Variants in CELF2 observed in about 807,000 individuals in gnomAD.
CELF2 encodes the protein CUGBP Elav-like family member 2.
CELF2 carries 8 observed loss-of-function variants against 62.6 expected under a neutral mutation model. The ratio of observed to expected loss-of-function variants is 0.13; its 90% CI spans 0.07 to 0.23. CELF2 has a LOEUF of 0.23. Among genes scored for constraint, CELF2 ranks in the 10% least tolerant of loss-of-function variants. CELF2 has a pLI of 1.00. For synonymous variants in CELF2, 258 were observed against 250.0 expected (o/e 1.03, Z -0.30); for missense variants, 333 against 671.0 (o/e 0.50, Z 5.56).
At chr10:10,696,294 T>G in the CELF2 span, among the ~76,000 whole-genome samples, 5 of 151,658 alleles carry the variant, frequency 3.3e-5, no homozygotes, top group Admixed American at 2.6e-4. Flanking sequence ...TGCTGGGGGG[T>G]GCCTCCCAGT....
chr10:10,766,946 C>A, the CELF2 span, among the ~76,000 whole-genome samples: 1 of 152,206 alleles, frequency 6.6e-6, no homozygotes, highest in African/African-American at 2.4e-5. Context: ...TCATTTCTCA[C>A]TGCCAACGGT....
Position 11,330,652 on chromosome 10 carries a change from A to ATG in CELF2, c.*1602_*1603dup, listed in dbSNP as rs1479509547. The stretch of plus-strand genomic sequence containing the variant: ...TCTAGCTATGAATTCTGGGAAGTCA[A>ATG]TGTGAAAAACATTGCTGCATTCATG... On this transcript the variant is annotated 3_prime_UTR_variant, in exon 13 of 13. Coordinates refer to ENST00000633077, the MANE Select transcript of CELF2 (RefSeq NM_001326342.2). This position sits in a 1 kb window ranked among gnomAD's most constrained non-coding sequence, Gnocchi z 4.5. The ATG allele has an allele frequency of 1.3e-5, 2 of 152,652 alleles. No individual in the cohort carries two copies. The highest frequency in any genetic ancestry group is 2.9e-5 in the Non-Finnish European group (2 of 68,048). 9.5% of individuals were successfully genotyped at this position (152,652 alleles called of 1,614,324 possible).
At chr10:11,173,905 A>G (rs80024897) in intron 2 of CELF2, among the ~76,000 whole-genome samples, 3,986 of 152,290 alleles carry the variant, frequency 0.026, 175 homozygotes, top group African/African-American at 0.09. Context: ...CGACAGATTG[A>G]CATAGGTTTA....
chr10:10,566,595 A>C, the CELF2 span, among the ~76,000 whole-genome samples: 57 of 133,122 alleles, frequency 4.3e-4, no homozygotes, highest in Non-Finnish European at 8.0e-4. Flanking sequence ...CAGTCCCCAG[A>C]GTGTGATATT....
chr10:10,977,908 A>C lies in CELF2; in HGVS notation c.89+57909A>C, dbSNP rs1227131927. Among the ~76,000 whole-genome samples the C allele has an allele frequency of 5.3e-5, 8 of 152,332 alleles. No individual in the cohort carries two copies. In the South Asian group the frequency reaches 1.7e-3, roughly 32 times the overall value. On this transcript the variant is annotated intron_variant, in intron 2 of 13. Coordinates refer to the CELF2 transcript ENST00000636488. ...TGGGATTGTTTTGAGGAATAAACATAATATGCACAAGAAGTTAAAACCAGT... is the reference window on the plus strand; with the variant it reads ...TGGGATTGTTTTGAGGAATAAACATCATATGCACAAGAAGTTAAAACCAGT...
the CELF2 span, among the ~76,000 whole-genome samples, chr10:10,656,773 A>G: frequency 1.4e-5 from 2 of 140,072 alleles, no homozygotes; most frequent in Non-Finnish European, 3.1e-5. Flanking sequence ...CTAATGCTAG[A>G]TGACGAGTTA....
intron 2 of CELF2, among the ~76,000 whole-genome samples, chr10:10,986,237 T>A (rs760840502): frequency 3.9e-5 from 6 of 152,194 alleles, no homozygotes; most frequent in Non-Finnish European, 5.9e-5. Context: ...CAAAAAATTC[T>A]AAAGATTGAT....
Position 11,335,900 on chromosome 10 carries a change from T to C in CELF2, c.*6847T>C, listed in dbSNP as rs1038980709. The C allele has an allele frequency of 3.3e-5, 5 of 152,196 alleles. No individual in the cohort carries two copies. Among genetic ancestry groups the C allele is most frequent in the Admixed American group, 3.3e-4 (5 of 15,284 alleles). 9.4% of individuals were successfully genotyped at this position (152,196 alleles called of 1,614,324 possible). A position where few individuals can be genotyped will look rare whatever the true frequency, so the allele number is the denominator to read the frequency against. ...TTGCTTTTCTAAAGCAACAAATAAT[T>C]CTCCAAAGAAGGGGATGAAAATGCT... On this transcript the variant is annotated 3_prime_UTR_variant, in exon 13 of 13. Coordinates refer to ENST00000633077, the MANE Select transcript of CELF2 (RefSeq NM_001326342.2). This position sits in a 1 kb window ranked among gnomAD's most constrained non-coding sequence, Gnocchi z 5.0.
rs1039093791 is a variant in CELF2 at position 11,306,959 on chromosome 10, C to T, written c.977-7180C>T. ...TAGGCCGCCTCCACCTCTCCTATGGCCCCCTGAGCTAGGCTGCCCCATGCT... is the reference window on the plus strand; with the variant it reads ...TAGGCCGCCTCCACCTCTCCTATGGTCCCCTGAGCTAGGCTGCCCCATGCT... On this transcript the variant is annotated intron_variant, in intron 9 of 12. Coordinates refer to ENST00000633077, the MANE Select transcript of CELF2 (RefSeq NM_001326342.2). This position sits in a 1 kb window ranked among gnomAD's most constrained non-coding sequence, Gnocchi z 4.4. Among the ~76,000 whole-genome samples, 3 of 152,190 alleles carry T rather than the reference C, an allele frequency of 2.0e-5. No individual in the cohort carries two copies. The highest frequency in any genetic ancestry group is 4.8e-5 in the African/African-American group (2 of 41,436).
the CELF2 span, among the ~76,000 whole-genome samples, chr10:10,713,056 T>C: frequency 2.6e-5 from 4 of 152,332 alleles, no homozygotes; most frequent in East Asian, 7.7e-4. Context: ...CAATGGACCT[T>C]ATTTCTGTTC....
the CELF2 span, among the ~76,000 whole-genome samples, chr10:10,585,522 C>G: frequency 1.3e-5 from 2 of 152,130 alleles, no homozygotes; most frequent in African/African-American, 2.4e-5. Flanking sequence ...AATGAACACA[C>G]TAGGATTTGT....
intron 1 of CELF2, among the ~76,000 whole-genome samples, chr10:10,822,607 T>C (rs2057055367): frequency 1.3e-5 from 2 of 152,240 alleles, no homozygotes. Context: ...GGGGAAAAGA[T>C]GTCTTTTTAA....
the CELF2 span, among the ~76,000 whole-genome samples, chr10:10,736,396 C>CTTTTTTTTTTTTTTTTTTTT: frequency 1.3e-5 from 1 of 76,016 alleles, no homozygotes; most frequent in African/African-American, 5.0e-5. Flanking sequence ...TTCTTTCTTT[C>CTTTTTTTTTTTTTTTTTTTT]TTTTTTTTTT....
At chr10:10,832,254 C>T (rs543580468) in intron 1 of CELF2, among the ~76,000 whole-genome samples, 197 of 147,242 alleles carry the variant, frequency 1.3e-3, no homozygotes, top group African/African-American at 4.7e-3. Flanking sequence ...GGCAACAGAG[C>T]GAGACTCCAT....
intron 1 of CELF2, among the ~76,000 whole-genome samples, chr10:10,816,426 A>C (rs755387743): frequency 2.2e-4 from 34 of 152,256 alleles, no homozygotes; most frequent in African/African-American, 7.5e-4. Context: ...TGATTACAGC[A>C]ATCAAGATGT....
chr10:10,811,014 G>C (rs376864320), intron 1 of CELF2, among the ~76,000 whole-genome samples: 1 of 152,182 alleles, frequency 6.6e-6, no homozygotes, highest in Non-Finnish European at 1.5e-5. Flanking sequence ...GAGAGTATGC[G>C]CAGAGCCATC....
At chr10:10,610,358 A>C in the CELF2 span, among the ~76,000 whole-genome samples, 1 of 152,216 alleles carries the variant, frequency 6.6e-6, no homozygotes, top group Non-Finnish European at 1.5e-5. Context: ...TACTTCCTTA[A>C]AATGATGCCA....
At chr10:10,841,474 A>G (rs1241457258) in intron 1 of CELF2, among the ~76,000 whole-genome samples, 1 of 151,670 alleles carries the variant, frequency 6.6e-6, no homozygotes. Context: ...ATTTTTATAT[A>G]GATGGATATC....
intron 2 of CELF2, among the ~76,000 whole-genome samples, chr10:10,967,587 A>G (rs919067798): frequency 6.6e-6 from 1 of 152,208 alleles, no homozygotes; most frequent in Non-Finnish European, 1.5e-5. Flanking sequence ...CCCTGAGTGC[A>G]GGAAGGTGGG....
Sources: gnomAD v4.1 joint callset for allele counts (sites outside exome capture counted in the v4.1 genomes callset) on GRCh38, gnomAD v4.1.1 for gene constraint, Gnocchi (gnomAD v3.1) non-coding constraint, MANE v1.5 for transcripts, NCBI Gene and HGNC (gene_info 2026-07-23, HGNC 2026-07-21) for gene names.